Variants in TTYH2 observed in about 807,000 individuals in gnomAD.
The protein encoded by TTYH2 is tweety family member 2, also known as protein tweety homolog 2.
A neutral mutation model predicts 68.3 loss-of-function variants in TTYH2; 49 were observed. The ratio of observed to expected loss-of-function variants is 0.72; its 90% confidence interval spans 0.57 to 0.91. TTYH2 has a LOEUF of 0.91. Ranked by LOEUF, TTYH2 falls within the 40% of genes least tolerant of loss-of-function variation. TTYH2 has a pLI of 0.00. For missense variants in TTYH2, 631 were observed against 700.4 expected (o/e 0.90, Z 1.12); for synonymous variants, 272 against 300.8 (o/e 0.90, Z 0.99).
chr17:74,244,842 A>G (rs1425188377), intron 6 of TTYH2, among the ~76,000 whole-genome samples: 1 of 147,986 alleles, frequency 6.8e-6, no homozygotes, highest in East Asian at 2.0e-4. Flanking sequence ...AGGCTTTGAT[A>G]CAGTGGAGGT....
In TTYH2 at chr17:74,215,700, G is replaced by T; in HGVS notation, c.129+1984G>T. On this transcript the variant is annotated intron_variant, in intron 1 of 13. Coordinates refer to ENST00000269346, the MANE Select transcript of TTYH2 (RefSeq NM_032646.6). The surrounding 1 kb of genome is among the most constrained non-coding windows in gnomAD (Gnocchi z 4.3). ...CTGGCTCTGGGTGTTATTTAAGGTG[G>T]CTCCTGTTTTTGGTAAGTTCCCCTG... is the stretch of plus-strand genomic sequence containing the variant. 1.3e-6 allele frequency: 2 copies of T among 1,533,690 alleles called. No individual in the cohort carries two copies. The highest frequency in any genetic ancestry group is 1.7e-6 in the Non-Finnish European group (2 of 1,146,896).
At chr17:74,219,371 G>A (rs1408188941) in intron 1 of TTYH2, among the ~76,000 whole-genome samples, 7 of 122,304 alleles carry the variant, frequency 5.7e-5, no homozygotes, top group Admixed American at 5.1e-4. Context: ...CCTGGCGACA[G>A]AGCAAGACTC....
At chr17:74,223,369 A>C (rs1598214781) in intron 2 of TTYH2, among the ~76,000 whole-genome samples, 1 of 151,956 alleles carries the variant, frequency 6.6e-6, no homozygotes, top group African/African-American at 2.4e-5. Context: ...CAAGTGATCC[A>C]CCTGCCTCAG....
At chr17:74,258,062 G>A (rs1213808553) in intron 13 of TTYH2, among the ~76,000 whole-genome samples, 1 of 150,010 alleles carries the variant, frequency 6.7e-6, no homozygotes. Context: ...GCTGAGGCAG[G>A]AGAATCACTT....
intron 13 of TTYH2, among the ~76,000 whole-genome samples, chr17:74,259,896 G>A (rs1362182276): frequency 6.6e-6 from 1 of 152,210 alleles, no homozygotes; most frequent in Non-Finnish European, 1.5e-5. Flanking sequence ...GGGACAGGCT[G>A]GATGCTGGGG....
intron 1 of TTYH2, among the ~76,000 whole-genome samples, chr17:74,218,208 C>T (rs542174838): frequency 6.6e-6 from 1 of 152,210 alleles, no homozygotes; most frequent in Admixed American, 6.5e-5. Flanking sequence ...ACCTGCTCCT[C>T]TTTTCCCTCC....
In TTYH2 at chr17:74,213,748, G is replaced by A. The variant is rs1456803499; in HGVS notation, c.129+32G>A. 2 of 1,602,788 alleles carry A rather than the reference G, an allele frequency of 1.2e-6. No homozygotes were observed. The highest frequency in any genetic ancestry group is 1.7e-6 in the Non-Finnish European group (2 of 1,174,196). On this transcript the variant is annotated intron_variant, in intron 1 of 13. Coordinates refer to ENST00000269346, the MANE Select transcript of TTYH2 (RefSeq NM_032646.6). The surrounding 1 kb of genome is among the most constrained non-coding windows in gnomAD (Gnocchi z 6.1). ...TTACGCCGCCCCAGACCGCAGCCACGCGCGCCCCAAGTCCCCGCACTACCC... is the reference window on the plus strand; with the variant it reads ...TTACGCCGCCCCAGACCGCAGCCACACGCGCCCCAAGTCCCCGCACTACCC...
chr17:74,249,699 A>G (rs2050598920), intron 8 of TTYH2, among the ~76,000 whole-genome samples: 1 of 152,092 alleles, frequency 6.6e-6, no homozygotes, highest in African/African-American at 2.4e-5. Context: ...CTGCTGGTCC[A>G]AAGACCACAT....
intron 3 of TTYH2, among the ~76,000 whole-genome samples, chr17:74,234,073 A>C (rs76786451): frequency 6.6e-6 from 1 of 152,128 alleles, no homozygotes; most frequent in African/African-American, 2.4e-5. Context: ...CCCTCCCAGA[A>C]GTTTTCATAC....
chr17:74,249,133 G>A, intron 7 of TTYH2, 53 bp downstream of exon 7: 1 of 1,586,886 alleles, frequency 6.3e-7, no homozygotes, highest in Non-Finnish European at 8.5e-7. Context: ...GCCGGACTCT[G>A]TGCCCCTACT....
chr17:74,247,873 G>A (rs57704392), intron 6 of TTYH2: 21,174 of 152,202 alleles, frequency 0.14, 1,538 homozygotes, highest in Non-Finnish European at 0.15. Context: ...GTGTGTGTGC[G>A]CGTGCGTGCA....
In TTYH2 at chr17:74,225,935, C is replaced by T. The variant is rs144066363; in HGVS notation, c.302+3278C>T. On this transcript the variant is annotated intron_variant, in intron 2 of 13. Transcript: ENST00000269346. ...TCAGGGAGGCCCAGCTGGAGAGCAG[C>T]GGGCTTACACCTGGGCGTGGGCAGT... Among the ~76,000 whole-genome samples the T allele has an allele frequency of 4.2e-3, 635 of 152,352 alleles. 8 individuals carry two copies. The highest frequency in any genetic ancestry group is 0.017 in the Middle Eastern group (5 of 294).
rs1304198542 is a variant in TTYH2 at position 74,253,237 on chromosome 17, C to G, written c.1416C>G (p.Thr472=). ...CCAGCCTGCAGCCCCCGGCCCAGAC[C>G]ATCTCCAACGCCCCTGTCTCCGAGT... ...SQTSLQPPAQ[T]ISNAPVSEYM... The change falls in exon 12 of 14, where the codon ACC becomes ACG. Residue 472 remains threonine (T), a synonymous_variant. Transcript: ENST00000269346. 1 of 1,607,726 alleles carries G rather than the reference C, an allele frequency of 6.2e-7. No individual in the cohort carries two copies. Among genetic ancestry groups the G allele is most frequent in the Non-Finnish European group, 8.5e-7 (1 of 1,177,722 alleles).
chr17:74,221,546 C>T (rs972416589), intron 1 of TTYH2, among the ~76,000 whole-genome samples: 4 of 152,318 alleles, frequency 2.6e-5, no homozygotes, highest in South Asian at 4.1e-4. Context: ...GAAGCAGGGG[C>T]GGCTGTCAGC....
chr17:74,225,219 G>A (rs1389168599), intron 2 of TTYH2, among the ~76,000 whole-genome samples: 2 of 152,018 alleles, frequency 1.3e-5, no homozygotes, highest in Non-Finnish European at 2.9e-5. Context: ...AGGCAGGAGC[G>A]AGCATGGGGC....
intron 13 of TTYH2, among the ~76,000 whole-genome samples, chr17:74,258,268 C>CT (rs71157050): frequency 2.0e-5 from 3 of 151,954 alleles, no homozygotes; most frequent in Non-Finnish European, 4.4e-5. Context: ...GGAGATGTGC[C>CT]TTTTTTGTTT....
At chr17:74,249,242 G>C in intron 7 of TTYH2, 102 bp from the exon 8 acceptor site, 1 of 1,566,748 alleles carries the variant, frequency 6.4e-7, no homozygotes, top group Non-Finnish European at 8.8e-7. Flanking sequence ...CCTCCCTTGG[G>C]AGCTCAGGGA....
At chr17:74,230,078 C>T (rs537948829) in intron 2 of TTYH2, among the ~76,000 whole-genome samples, 23 of 152,190 alleles carry the variant, frequency 1.5e-4, no homozygotes, top group African/African-American at 5.5e-4. Context: ...TTACAGTGAG[C>T]TGAGATAGCG....
intron 13 of TTYH2, chr17:74,256,829 A>T (rs1051262008): frequency 6.6e-6 from 1 of 152,200 alleles, no homozygotes; most frequent in Admixed American, 6.6e-5. Flanking sequence ...TTGCATTTTC[A>T]GTAGAGACGG....
Sources: allele counts gnomAD v4.1 joint callset (sites outside exome capture counted in the v4.1 genomes callset), GRCh38; gene constraint gnomAD v4.1.1; non-coding constraint Gnocchi (gnomAD v3.1); transcripts MANE v1.5; gene names NCBI Gene and HGNC (gene_info 2026-07-23, HGNC 2026-07-21).